The following LPAR1 variants were observed in gnomAD, a reference collection of about 807,000 sequenced individuals.
LPAR1 encodes lysophosphatidic acid receptor 1, also known as LPA receptor 1.
A neutral mutation model predicts 23.8 loss-of-function variants in LPAR1; 5 were observed. That is an observed-to-expected ratio of 0.21 (90% CI 0.11 to 0.44). The LOEUF is 0.44. LPAR1 is among the 20% of genes least tolerant of loss of function. The pLI, the probability that LPAR1 is intolerant of heterozygous loss-of-function variation, is 0.99. For missense variants in LPAR1, 311 were observed against 482.8 expected, an observed-to-expected ratio of 0.64 and a Z score of 3.33; for synonymous variants, 160 against 164.7, an observed-to-expected ratio of 0.97 and a Z score of 0.22.
chr9:110,941,304 T>A lies in LPAR1; in HGVS notation c.793+117A>T, dbSNP rs2095085446. 2 of 933,282 alleles carry A rather than the reference T, an allele frequency of 2.1e-6. No homozygotes were observed. The highest frequency in any genetic ancestry group is 3.2e-6 in the Non-Finnish European group (2 of 618,338). 57.8% of individuals were successfully genotyped at this position (933,282 alleles called of 1,614,324 possible). A position where few individuals can be genotyped will look rare whatever the true frequency, so the allele number is the denominator to read the frequency against. Reference sequence around the variant, plus strand: ...TAAAGGTGCCTCATCCCCTTGTAATTCCTGGTGAATTACCTGGTGAATATT... The same window carrying A: ...TAAAGGTGCCTCATCCCCTTGTAATACCTGGTGAATTACCTGGTGAATATT... On this transcript the variant is annotated intron_variant, in intron 5 of 5. Transcript: ENST00000683809. The surrounding 1 kb of genome is among the most constrained non-coding windows in gnomAD (Gnocchi z 6.1).
intron 5 of LPAR1, among the ~76,000 whole-genome samples, chr9:110,885,792 G>A (rs1229202072): frequency 6.6e-6 from 1 of 152,344 alleles, no homozygotes; most frequent in African/African-American, 2.4e-5. Context: ...GCCGGGCGTG[G>A]TGGATCATGC....
At chr9:110,959,519 G>A (rs929668867) in intron 4 of LPAR1, among the ~76,000 whole-genome samples, 2 of 152,166 alleles carry the variant, frequency 1.3e-5, no homozygotes, top group African/African-American at 4.8e-5. Flanking sequence ...TTGGGAGGCT[G>A]AGGTGGGAGG....
intron 2 of LPAR1, among the ~76,000 whole-genome samples, chr9:111,011,357 C>T (rs1158964279): frequency 1.3e-5 from 2 of 152,302 alleles, no homozygotes; most frequent in East Asian, 3.9e-4. Flanking sequence ...TCTATGTCTG[C>T]TGGAACACTT....
At chr9:111,017,363 T>C (rs2097472658) in intron 2 of LPAR1, among the ~76,000 whole-genome samples, 2 of 152,128 alleles carry the variant, frequency 1.3e-5, no homozygotes, top group South Asian at 2.1e-4. Flanking sequence ...CGAGTCTGAG[T>C]TTTTTGAAGG....
chr9:110,919,892 G>C (rs930743642), intron 5 of LPAR1, among the ~76,000 whole-genome samples: 4 of 152,256 alleles, frequency 2.6e-5, no homozygotes, highest in Non-Finnish European at 4.4e-5. Flanking sequence ...TAGTGACTCA[G>C]CACACACACA....
chr9:111,022,006 A>G (rs2097570090), intron 2 of LPAR1, among the ~76,000 whole-genome samples: 1 of 150,524 alleles, frequency 6.6e-6, no homozygotes, highest in South Asian at 2.1e-4. Flanking sequence ...AGAGAATTCT[A>G]ATCTTTACCC....
At chr9:110,949,803 G>C (rs1233036014) in intron 4 of LPAR1, among the ~76,000 whole-genome samples, 1 of 152,126 alleles carries the variant, frequency 6.6e-6, no homozygotes, top group African/African-American at 2.4e-5. Flanking sequence ...TGGGGTGTGT[G>C]TATATATGAC....
chr9:111,037,248 T>A (rs891814648), intron 1 of LPAR1, among the ~76,000 whole-genome samples: 16 of 152,200 alleles, frequency 1.1e-4, no homozygotes, highest in African/African-American at 3.9e-4. Context: ...TGTTTACCAA[T>A]ATCTATCTAA....
intron 2 of LPAR1, among the ~76,000 whole-genome samples, chr9:111,014,875 C>A (rs1483742967): frequency 6.6e-6 from 1 of 151,974 alleles, no homozygotes; most frequent in South Asian, 2.1e-4. Context: ...TAAACTGTGT[C>A]CCCCCGAGAA....
chr9:110,993,042 C>G (rs368568485), intron 2 of LPAR1, among the ~76,000 whole-genome samples: 7 of 152,238 alleles, frequency 4.6e-5, no homozygotes, highest in African/African-American at 1.2e-4. Flanking sequence ...TATTTTACAA[C>G]TTTTTAAAAT....
intron 1 of LPAR1, among the ~76,000 whole-genome samples, chr9:111,036,449 T>C (rs7041855): frequency 6.6e-6 from 1 of 151,778 alleles, no homozygotes; most frequent in Non-Finnish European, 1.5e-5. Context: ...CTCTGTTGCT[T>C]GTTTTCTTCC....
intron 2 of LPAR1, among the ~76,000 whole-genome samples, chr9:110,981,603 A>G (rs1392396494): frequency 6.6e-6 from 1 of 151,960 alleles, no homozygotes; most frequent in Non-Finnish European, 1.5e-5. Context: ...AATAAAAAAA[A>G]ATCACTGCAG....
chr9:110,936,294 G>A (rs1446665807), intron 5 of LPAR1, among the ~76,000 whole-genome samples: 5 of 152,194 alleles, frequency 3.3e-5, no homozygotes, highest in African/African-American at 4.8e-5. Context: ...TTTGCTAATA[G>A]GACAGTAGCC....
intron 2 of LPAR1, among the ~76,000 whole-genome samples, chr9:110,984,803 GAA>G (rs574292244): frequency 1.4e-5 from 2 of 142,734 alleles, no homozygotes; most frequent in African/African-American, 5.1e-5. Flanking sequence ...TAACTAATAG[GAA>G]AAAAAAAAAG....
Position 110,873,810 on chromosome 9 carries a change from G to A in LPAR1, c.*1611C>T, listed in dbSNP as rs192843154. Reference sequence around the variant, plus strand: ...ATCCTTTATTCACTCGGCACATTTGGTTTCTTTGCATTTTCTTCCATTTTA... The same window carrying A: ...ATCCTTTATTCACTCGGCACATTTGATTTCTTTGCATTTTCTTCCATTTTA... On this transcript the variant is annotated 3_prime_UTR_variant, in exon 6 of 6. Transcript: ENST00000683809. 1 of 152,298 alleles carries A rather than the reference G, an allele frequency of 6.6e-6. No individual in the cohort carries two copies. The highest frequency in any genetic ancestry group is 1.9e-4 in the East Asian group (1 of 5,190). The allele number at this position is 152,298 out of a possible 1,614,324, so 9.4% of individuals were successfully genotyped here. A position where few individuals can be genotyped will look rare whatever the true frequency, so the allele number is the denominator to read the frequency against.
At chr9:110,988,429 T>C (rs2096833124) in intron 2 of LPAR1, among the ~76,000 whole-genome samples, 1 of 152,054 alleles carries the variant, frequency 6.6e-6, no homozygotes, top group Non-Finnish European at 1.5e-5. Context: ...GGGACTTGTA[T>C]CCAGAATAAA....
At chr9:110,879,621 C>T (rs2080167460) in intron 5 of LPAR1, among the ~76,000 whole-genome samples, 1 of 152,134 alleles carries the variant, frequency 6.6e-6, no homozygotes, top group African/African-American at 2.4e-5. Context: ...AAATAAAGAC[C>T]TTCACCCACA....
intron 4 of LPAR1, among the ~76,000 whole-genome samples, chr9:110,952,772 C>A (rs771869625): frequency 6.6e-5 from 10 of 152,118 alleles, no homozygotes; most frequent in Non-Finnish European, 1.5e-4. Flanking sequence ...CACTGCAGAA[C>A]TGAGGATCAC....
chr9:110,971,718 A>C (rs2096426078), intron 4 of LPAR1, among the ~76,000 whole-genome samples: 1 of 75,702 alleles, frequency 1.3e-5, no homozygotes, highest in African/African-American at 4.0e-5. Context: ...ATTTCATTAA[A>C]CCCCACCCCA....
Sources: allele counts gnomAD v4.1 joint callset (sites outside exome capture counted in the v4.1 genomes callset), GRCh38; gene constraint gnomAD v4.1.1; non-coding constraint Gnocchi (gnomAD v3.1); transcripts MANE v1.5; gene names NCBI Gene and HGNC (gene_info 2026-07-23, HGNC 2026-07-21).